NCKAP5: variants seen among roughly 807,000 people sequenced by gnomAD.
NCKAP5 encodes NCK associated protein 5.
In NCKAP5, 92 loss-of-function variants were observed where a neutral mutation model predicts 167.0. The observed-to-expected ratio is 0.55, with a 90% CI of 0.47 to 0.66. The LOEUF (loss-of-function observed/expected upper bound fraction) is 0.66, where lower values mean the gene tolerates loss of function less well. NCKAP5 is among the 30% of genes least tolerant of loss of function. NCKAP5 has a pLI of 0.00. For missense variants in NCKAP5, 2,378 were observed against 2,315.0 expected, an observed-to-expected ratio of 1.03 and a Z score of -0.56; for synonymous variants, 891 against 877.4, an observed-to-expected ratio of 1.02 and a Z score of -0.27.
intron 7 of NCKAP5, among the ~76,000 whole-genome samples, chr2:132,991,420 C>T (rs2077443630): frequency 6.6e-6 from 1 of 152,192 alleles, no homozygotes; most frequent in African/African-American, 2.4e-5. Context: ...CTGATTACCA[C>T]ATAGTGGGAC....
chr2:133,597,465 C>T, the NCKAP5 span, among the ~76,000 whole-genome samples: 4 of 151,816 alleles, frequency 2.6e-5, no homozygotes, highest in African/African-American at 9.7e-5. Context: ...GTCAGGAGAC[C>T]GAGACCATCC....
chr2:132,918,363 C>T (rs995178328), intron 8 of NCKAP5, among the ~76,000 whole-genome samples: 2 of 152,168 alleles, frequency 1.3e-5, no homozygotes, highest in African/African-American at 4.8e-5. Context: ...AAGATCTACC[C>T]TTAGGTATTT....
chr2:132,974,725 G>A (rs560038786), intron 7 of NCKAP5, among the ~76,000 whole-genome samples: 14 of 152,314 alleles, frequency 9.2e-5, no homozygotes, highest in African/African-American at 2.9e-4. Context: ...TACTGGCAGC[G>A]TTTCTCCCAA....
chr2:133,553,851 C>T (rs1687552036), intron 2 of NCKAP5, among the ~76,000 whole-genome samples: 1 of 152,040 alleles, frequency 6.6e-6, no homozygotes, highest in African/African-American at 2.4e-5. Flanking sequence ...AACAAGTTAC[C>T]ACAAATTTAG....
the NCKAP5 span, among the ~76,000 whole-genome samples, chr2:133,669,154 C>T: frequency 6.6e-6 from 1 of 152,100 alleles, no homozygotes; most frequent in Non-Finnish European, 1.5e-5. Context: ...CTACTATAAT[C>T]ACATATTCGT....
chr2:132,820,452 T>A lies in NCKAP5; in HGVS notation c.808-23723A>T, dbSNP rs564940956. Among the ~76,000 whole-genome samples the A allele has an allele frequency of 9.9e-5, 15 of 152,260 alleles. No individual in the cohort carries two copies. In the East Asian group the frequency reaches 1.5e-3, roughly 16 times the overall value. On this transcript the variant is annotated intron_variant, in intron 11 of 19. Transcript: ENST00000409261. ...ATTGTGTTAGCCAGGATGGTCTCGATCTCCTGAACTTGTGATCTGCCCGCC... is the reference window on the plus strand; with the variant it reads ...ATTGTGTTAGCCAGGATGGTCTCGAACTCCTGAACTTGTGATCTGCCCGCC...
intron 5 of NCKAP5, among the ~76,000 whole-genome samples, chr2:133,143,955 A>G (rs545434347): frequency 2.0e-4 from 30 of 152,118 alleles, no homozygotes; most frequent in Non-Finnish European, 3.5e-4. Flanking sequence ...TTCCTGGTCT[A>G]GTAAACTTTC....
intron 13 of NCKAP5, among the ~76,000 whole-genome samples, chr2:132,788,755 C>T (rs1282821705): frequency 6.6e-6 from 1 of 152,154 alleles, no homozygotes; most frequent in Admixed American, 6.5e-5. Context: ...TCAAAAAGCA[C>T]AATCAATAAT....
intron 16 of NCKAP5, among the ~76,000 whole-genome samples, chr2:132,735,911 A>G (rs1358501501): frequency 6.6e-6 from 1 of 152,186 alleles, no homozygotes; most frequent in Admixed American, 6.5e-5. Context: ...TTCTGAAGAC[A>G]ACAACATTTT....
At chr2:133,401,117 C>T (rs1688068476) in intron 3 of NCKAP5, among the ~76,000 whole-genome samples, 2 of 152,092 alleles carry the variant, frequency 1.3e-5, no homozygotes, top group Non-Finnish European at 2.9e-5. Context: ...CAATGAACAA[C>T]GATTTAATCA....
chr2:133,657,874 G>T, the NCKAP5 span, among the ~76,000 whole-genome samples: 1 of 152,112 alleles, frequency 6.6e-6, no homozygotes, highest in Non-Finnish European at 1.5e-5. Flanking sequence ...CTGGGGGTTA[G>T]TAAAGCAGAA....
intron 19 of NCKAP5, among the ~76,000 whole-genome samples, chr2:132,699,260 T>G (rs1687644184): frequency 6.6e-6 from 1 of 152,212 alleles, no homozygotes; most frequent in African/African-American, 2.4e-5. Flanking sequence ...CCACATAGCA[T>G]GTTGCCTAGT....
At chr2:133,284,519 T>G (rs1308966710) in intron 4 of NCKAP5, among the ~76,000 whole-genome samples, 2 of 152,204 alleles carry the variant, frequency 1.3e-5, no homozygotes, top group Non-Finnish European at 2.9e-5. Flanking sequence ...CACGTGGCCA[T>G]GATGCACCGT....
chr2:133,372,442 A>G (rs1685865687), intron 3 of NCKAP5, among the ~76,000 whole-genome samples: 1 of 152,214 alleles, frequency 6.6e-6, no homozygotes. Flanking sequence ...CCTACTGACT[A>G]GAAGGTTCTT....
chr2:133,017,250 A>G (rs1274830563), intron 6 of NCKAP5, among the ~76,000 whole-genome samples: 1 of 152,244 alleles, frequency 6.6e-6, no homozygotes, highest in Admixed American at 6.5e-5. Flanking sequence ...ATTTGCCATT[A>G]AATTAATCCT....
At chr2:133,270,362 T>C (rs1200464961) in intron 4 of NCKAP5, among the ~76,000 whole-genome samples, 1 of 152,208 alleles carries the variant, frequency 6.6e-6, no homozygotes, top group African/African-American at 2.4e-5. Context: ...AAAGGGAGAA[T>C]ATGGAACTTT....
intron 5 of NCKAP5, among the ~76,000 whole-genome samples, chr2:133,192,750 C>T (rs368255188): frequency 3.3e-5 from 5 of 151,958 alleles, no homozygotes; most frequent in Non-Finnish European, 5.9e-5. Flanking sequence ...TCATAACACA[C>T]CAAAGGCTGA....
chr2:133,354,036 G>C (rs1298538651), intron 3 of NCKAP5, among the ~76,000 whole-genome samples: 4 of 152,170 alleles, frequency 2.6e-5, no homozygotes, highest in African/African-American at 9.7e-5. Flanking sequence ...GGCTAAAAGA[G>C]CACACTGTAA....
At chr2:133,485,797 T>G (rs1216894027) in intron 3 of NCKAP5, among the ~76,000 whole-genome samples, 1 of 152,126 alleles carries the variant, frequency 6.6e-6, no homozygotes, top group African/African-American at 2.4e-5. Context: ...GAGGAGGGTG[T>G]CAGTCCAGTA....
Sources: allele counts gnomAD v4.1 joint callset (sites outside exome capture counted in the v4.1 genomes callset), GRCh38; gene constraint gnomAD v4.1.1; transcripts MANE v1.5; gene names NCBI Gene and HGNC (gene_info 2026-07-23, HGNC 2026-07-21).